The following TNFRSF10B variants were observed in gnomAD, a reference collection of about 807,000 sequenced individuals.
The protein encoded by TNFRSF10B is TNF receptor superfamily member 10b, also known as tumor necrosis factor receptor superfamily member 10B.
A neutral mutation model predicts 41.4 loss-of-function variants in TNFRSF10B; 35 were observed. The ratio of observed to expected loss-of-function variants is 0.85; its 90% CI spans 0.65 to 1.12. The LOEUF (loss-of-function observed/expected upper bound fraction) is 1.12. Ranked by LOEUF, TNFRSF10B falls within the 50% of genes most tolerant of loss-of-function variation. The pLI, the probability that TNFRSF10B is intolerant of heterozygous loss-of-function variation, is 0.00. For synonymous variants in TNFRSF10B, 230 were observed against 215.5 expected (o/e 1.07, Z -0.59); for missense variants, 584 against 552.7 (o/e 1.06, Z -0.57).
At chr8:23,067,214 G>A (rs1813012986) in intron 1 of TNFRSF10B, among the ~76,000 whole-genome samples, 1 of 152,006 alleles carries the variant, frequency 6.6e-6, no homozygotes, top group African/African-American at 2.4e-5. Context: ...CTGACCTCAT[G>A]TGATCTGCCC....
chr8:23,050,473 C>A (rs1041111923), intron 1 of TNFRSF10B, among the ~76,000 whole-genome samples: 2 of 152,120 alleles, frequency 1.3e-5, no homozygotes, highest in African/African-American at 4.8e-5. Flanking sequence ...TGTGTGTGCG[C>A]ACGGGGGCGT....
intron 2 of TNFRSF10B, among the ~76,000 whole-genome samples, chr8:23,035,203 A>G (rs1811996672): frequency 1.3e-5 from 2 of 151,802 alleles, no homozygotes; most frequent in South Asian, 4.2e-4. Context: ...GTGCAGTGGC[A>G]TGATCTCAGC....
At chr8:23,060,600 T>G (rs1436324923) in intron 1 of TNFRSF10B, among the ~76,000 whole-genome samples, 1 of 152,232 alleles carries the variant, frequency 6.6e-6, no homozygotes, top group Non-Finnish European at 1.5e-5. Flanking sequence ...TTTATTCATT[T>G]TCAAGATTGT....
intron 1 of TNFRSF10B, among the ~76,000 whole-genome samples, chr8:23,048,103 C>T (rs932456796): frequency 1.3e-5 from 2 of 151,998 alleles, no homozygotes; most frequent in African/African-American, 4.8e-5. Context: ...AAGTGAGGCA[C>T]AAAAAGAGAA....
At chr8:23,058,090 T>C (rs1347093890) in intron 1 of TNFRSF10B, among the ~76,000 whole-genome samples, 1 of 152,106 alleles carries the variant, frequency 6.6e-6, no homozygotes, top group Non-Finnish European at 1.5e-5. Context: ...CTACTAAAAA[T>C]ACAAAAATTA....
chr8:23,041,617 A>AAAC (rs1812205161), intron 2 of TNFRSF10B, among the ~76,000 whole-genome samples: 1 of 152,044 alleles, frequency 6.6e-6, no homozygotes, highest in African/African-American at 2.4e-5. Flanking sequence ...AAAAAAAAAA[A>AAAC]AAAAAACCTA....
chr8:23,046,615 TAA>T (rs147614589), intron 1 of TNFRSF10B, among the ~76,000 whole-genome samples: 2,129 of 129,782 alleles, frequency 0.016, 33 homozygotes, highest in African/African-American at 0.045. Context: ...TATGCAACCA[TAA>T]AAAAAAAAAA....
intron 6 of TNFRSF10B, 160 bp downstream of exon 6, chr8:23,027,562 A>G: frequency 4.1e-6 from 4 of 972,304 alleles, no homozygotes; most frequent in Non-Finnish European, 6.2e-6. Flanking sequence ...TGGTGCTCAA[A>G]ATGGCCATGT....
chr8:23,060,361 A>G (rs1318527560), intron 1 of TNFRSF10B, among the ~76,000 whole-genome samples: 1 of 150,552 alleles, frequency 6.6e-6, no homozygotes, highest in Non-Finnish European at 1.5e-5. Flanking sequence ...GAATGTGGAT[A>G]TCCGGTTCTC....
At chr8:23,024,388 G>A in intron 7 of TNFRSF10B, 128 bp from the exon 8 acceptor site, 9 of 1,024,582 alleles carry the variant, frequency 8.8e-6, no homozygotes, top group Non-Finnish European at 1.2e-5. Flanking sequence ...GAAAGGTCTG[G>A]CAACAAGACA....
At chr8:23,035,948 C>T (rs1188175953) in intron 2 of TNFRSF10B, among the ~76,000 whole-genome samples, 1 of 152,156 alleles carries the variant, frequency 6.6e-6, no homozygotes, top group Non-Finnish European at 1.5e-5. Flanking sequence ...GTCACTTGGG[C>T]CATACGACCC....
At position 23,069,005 on chromosome 8, in the gene TNFRSF10B, C is replaced by T; in HGVS notation, c.-111G>A. 6.4e-7 allele frequency: 1 copy of T among 1,554,400 alleles called. No individual in the cohort carries two copies. Among genetic ancestry groups the T allele is most frequent in the Non-Finnish European group, 8.8e-7 (1 of 1,140,856 alleles). ...GCGCAGAGATTGCGGGGTTCTCCGG[C>T]CGCGTGCTGATTTATGTGTCCAGGC... On this transcript the variant is annotated 5_prime_UTR_variant, in exon 1 of 9. Transcript: ENST00000276431.
chr8:23,035,583 G>A (rs1213935388), intron 2 of TNFRSF10B, among the ~76,000 whole-genome samples: 1 of 152,152 alleles, frequency 6.6e-6, no homozygotes, highest in Non-Finnish European at 1.5e-5. Flanking sequence ...TGCATGTCAG[G>A]GGGTGGGAAA....
chr8:23,042,698 C>T (rs1279469890), intron 2 of TNFRSF10B, among the ~76,000 whole-genome samples: 2 of 152,168 alleles, frequency 1.3e-5, no homozygotes, highest in East Asian at 1.9e-4. Context: ...GGATCTGACC[C>T]CACGTGTCTC....
intron 2 of TNFRSF10B, among the ~76,000 whole-genome samples, chr8:23,035,397 C>G (rs1426430795): frequency 6.6e-6 from 1 of 152,176 alleles, no homozygotes; most frequent in East Asian, 1.9e-4. Flanking sequence ...CCACCTTGGC[C>G]TCTCAAACTG....
rs1353559668 is a variant in TNFRSF10B at position 23,021,352 on chromosome 8, A to G, written c.*1319T>C. ...CAATCTGTACCCTAAAAGGCAGCTC[A>G]TGGGCTCAGGGTGACAGATAACCAG... On this transcript the variant is annotated 3_prime_UTR_variant, in exon 9 of 9. Transcript: ENST00000276431. 1.8e-5 allele frequency: 8 copies of G among 454,034 alleles called. No homozygotes were observed. Among genetic ancestry groups the G allele is most frequent in the Non-Finnish European group, 3.1e-5 (7 of 226,802 alleles). 28.1% of individuals were successfully genotyped at this position (454,034 alleles called of 1,614,324 possible).
intron 1 of TNFRSF10B, among the ~76,000 whole-genome samples, chr8:23,067,973 C>G (rs1160230136): frequency 6.6e-6 from 1 of 152,202 alleles, no homozygotes; most frequent in Non-Finnish European, 1.5e-5. Flanking sequence ...CCCTACAAAG[C>G]CGACTCTTTG....
chr8:23,036,997 A>G (rs1812048441), intron 2 of TNFRSF10B, among the ~76,000 whole-genome samples: 1 of 152,122 alleles, frequency 6.6e-6, no homozygotes, highest in African/African-American at 2.4e-5. Context: ...CTGAAGGAAA[A>G]CTGATAACAA....
At chr8:23,064,965 G>A (rs541275409) in intron 1 of TNFRSF10B, among the ~76,000 whole-genome samples, 1 of 152,212 alleles carries the variant, frequency 6.6e-6, no homozygotes, top group East Asian at 1.9e-4. Flanking sequence ...CCTTGGGACT[G>A]CACAGCCTCC....
Sources: allele counts gnomAD v4.1 joint callset (sites outside exome capture counted in the v4.1 genomes callset), GRCh38; gene constraint gnomAD v4.1.1; transcripts MANE v1.5; gene names NCBI Gene and HGNC (gene_info 2026-07-23, HGNC 2026-07-21).